The following PACS2 variants were observed in gnomAD, a reference collection of about 807,000 sequenced individuals.
The protein encoded by PACS2 is phosphofurin acidic cluster sorting protein 2.
Under a neutral mutation model 113.0 loss-of-function variants are expected in PACS2, and 36 were observed. The ratio of observed to expected loss-of-function variants is 0.32; its 90% CI spans 0.24 to 0.42. The LOEUF is 0.42. PACS2 is among the 10% of genes least tolerant of loss of function. PACS2 has a pLI of 1.00. For missense variants in PACS2, 1,015 were observed against 1,239.5 expected (o/e 0.82, Z 2.72); for synonymous variants, 589 against 536.1 (o/e 1.10, Z -1.36).
Position 105,368,048 on chromosome 14 carries a change from C to G in PACS2, c.587-26C>G, listed in dbSNP as rs374847472. On this transcript the variant is annotated intron_variant, in intron 5 of 24. Coordinates refer to ENST00000447393, the MANE Select transcript of PACS2 (RefSeq NM_001100913.3). The stretch of plus-strand genomic sequence containing the variant: ...TTCCCGGGTGGAATCTCACGGCACC[C>G]TCCCTTCTGTCTGTTCATTCCGCAG... The G allele has an allele frequency of 2.6e-6, 4 of 1,524,694 alleles. No homozygotes were observed. In the African/African-American group the frequency reaches 4.1e-5, roughly 16 times the overall value. 94.4% of individuals were successfully genotyped at this position (1,524,694 alleles called of 1,614,324 possible). A position where few individuals can be genotyped will look rare whatever the true frequency, so the allele number is the denominator to read the frequency against.
intron 4 of PACS2, among the ~76,000 whole-genome samples, chr14:105,360,058 T>C (rs2060619566): frequency 6.6e-6 from 1 of 152,228 alleles, no homozygotes; most frequent in Non-Finnish European, 1.5e-5. Flanking sequence ...GTCTCTCATA[T>C]AGGCTGACCT....
rs1205304906 is a variant in PACS2 at position 105,366,083 on chromosome 14, C to T, written c.424-1130C>T. 1.3e-5 allele frequency among the ~76,000 whole-genome samples: 2 copies of T among 152,046 alleles called. No individual in the cohort carries two copies. On this transcript the variant is annotated intron_variant, in intron 4 of 24. Coordinates refer to ENST00000447393, the MANE Select transcript of PACS2 (RefSeq NM_001100913.3). The surrounding 1 kb of genome is among the most constrained non-coding windows in gnomAD (Gnocchi z 4.3). ...AAATCTGGTCGGCTGGGCGTGGTGG[C>T]TCACGCCTGTAATCCCAGCACTTTG...
At chr14:105,304,820 C>T (rs2058138538) in intron 1 of PACS2, among the ~76,000 whole-genome samples, 1 of 152,218 alleles carries the variant, frequency 6.6e-6, no homozygotes, top group Admixed American at 6.5e-5. Context: ...CAGGGAAACT[C>T]CCTCTTATAA....
At chr14:105,308,097 C>T (rs587616454) in intron 1 of PACS2, among the ~76,000 whole-genome samples, 14 of 151,588 alleles carry the variant, frequency 9.2e-5, no homozygotes, top group African/African-American at 3.1e-4. Flanking sequence ...GCAGGAGAAT[C>T]GCTTGAACCC....
upstream of PACS2, among the ~76,000 whole-genome samples, chr14:105,314,236 C>G (rs1357167614): frequency 6.6e-6 from 1 of 151,434 alleles, no homozygotes; most frequent in Admixed American, 6.6e-5. Context: ...CGGGCCAACC[C>G]AGCGGGGGTC....
At position 105,355,575 on chromosome 14, in the gene PACS2, G is replaced by T. The variant is rs2060410359; in HGVS notation, c.423+398G>T. Reference sequence around the variant, plus strand: ...TGCATCCTGCTCAGCACGTGCTCTGGCCCAGGATTGGCTGAGCAGGAGCAG... The same window carrying T: ...TGCATCCTGCTCAGCACGTGCTCTGTCCCAGGATTGGCTGAGCAGGAGCAG... On this transcript the variant is annotated intron_variant, in intron 4 of 24. Transcript: ENST00000447393. The surrounding 1 kb of genome is among the most constrained non-coding windows in gnomAD (Gnocchi z 4.1). 6.6e-6 allele frequency among the ~76,000 whole-genome samples: 1 copy of T among 152,246 alleles called. No homozygotes were observed. The highest frequency in any genetic ancestry group is 2.4e-5 in the African/African-American group (1 of 41,458).
In PACS2 at chr14:105,384,944, C is replaced by A; in HGVS notation, c.1957C>A (p.Gln653Lys). 1 of 1,599,842 alleles carries A rather than the reference C, an allele frequency of 6.3e-7. No homozygotes were observed. ...QYIAGANCAHQLPIAEAMLTY... is the reference protein window; with the variant it reads ...QYIAGANCAHKLPIAEAMLTY... ...CATCGCAGGGGCCAACTGTGCCCAC[C>A]AGCTCCCCATCGCAGAGGCCATGCT... The change falls in exon 18 of 25, where the codon CAG (glutamine) becomes AAG (lysine). Residue 653 changes from glutamine to lysine, a missense_variant. Transcript: ENST00000447393.
At chr14:105,391,370 C>T (rs1395336580) in intron 21 of PACS2, 121 bp downstream of exon 21, 10 of 782,266 alleles carry the variant, frequency 1.3e-5, no homozygotes, top group Admixed American at 2.0e-5. Flanking sequence ...ACGTCCCAGT[C>T]TTGCTGTGGT....
At position 105,384,982 on chromosome 14, in the gene PACS2, G is replaced by C; in HGVS notation, c.1995G>C (p.Gln665His). The C allele has an allele frequency of 6.4e-7, 1 of 1,567,266 alleles. No individual in the cohort carries two copies. The highest frequency in any genetic ancestry group is 8.7e-7 in the Non-Finnish European group (1 of 1,152,982). The change falls in exon 18 of 25, where the codon CAG (glutamine) becomes CAC (histidine). Residue 665 changes from glutamine to histidine, a missense_variant. Physicochemically the swap from Gln to His is conservative, Grantham distance 24. This residue lies in a region of PACS2 where 859 missense variants were observed against 1,056.8 expected (regional missense o/e 0.81). Coordinates refer to ENST00000447393, the MANE Select transcript of PACS2 (RefSeq NM_001100913.3). ...PIAEAMLTYK[Q>H]KRKKHFHFDF... The stretch of plus-strand genomic sequence containing the variant: ...CAGAGGCCATGCTGACCTACAAGCA[G>C]AAGAGGTAACGCGGTGGGCCCAGGC...
In PACS2 at chr14:105,331,498, C is replaced by T. The variant is rs1401668798; in HGVS notation, c.119+16461C>T. On this transcript the variant is annotated intron_variant, in intron 1 of 24. Transcript: ENST00000447393. ...GTGGCATGATCATAGCTCCCTGCAG[C>T]CTCAAACTCTGGGGCTCGAGTCATC... Among the ~76,000 whole-genome samples, 5 of 152,162 alleles carry T rather than the reference C, an allele frequency of 3.3e-5. No individual in the cohort carries two copies. In the East Asian group the frequency reaches 9.6e-4, roughly 29 times the overall value.
At chr14:105,343,832 A>T (rs1313421824) in intron 1 of PACS2, among the ~76,000 whole-genome samples, 2 of 151,760 alleles carry the variant, frequency 1.3e-5, no homozygotes, top group Non-Finnish European at 1.5e-5. Context: ...AGTAGCTGGG[A>T]CTACAGGCTT....
intron 4 of PACS2, among the ~76,000 whole-genome samples, chr14:105,362,180 AGGCCACGGTGGGC>A (rs1373677221): frequency 6.6e-6 from 1 of 152,046 alleles, no homozygotes; most frequent in Non-Finnish European, 1.5e-5. Context: ...GCACTTTGGG[AGGCCACGGTGGGC>A]GGATCACGAG....
At chr14:105,385,829 G>T in intron 19 of PACS2, 112 bp downstream of exon 19, 2 of 618,000 alleles carry the variant, frequency 3.2e-6, no homozygotes, top group South Asian at 6.9e-5. Context: ...CGGACTGGGA[G>T]TCAGGCCCTG....
rs367911065 is a variant in PACS2 at position 105,369,919 on chromosome 14, C to T, written c.801+19C>T. On this transcript the variant is annotated intron_variant, in intron 8 of 24. Coordinates refer to ENST00000447393, the MANE Select transcript of PACS2 (RefSeq NM_001100913.3). ...CGACGAGGTGAGTGCGCCGCGCCTTCTGCTCGCGGCCCCCACGCCTGCAAC... is the reference window on the plus strand; with the variant it reads ...CGACGAGGTGAGTGCGCCGCGCCTTTTGCTCGCGGCCCCCACGCCTGCAAC... 6.0e-5 allele frequency: 95 copies of T among 1,590,796 alleles called. No individual in the cohort carries two copies. The highest frequency in any genetic ancestry group is 8.0e-5 in the Non-Finnish European group (94 of 1,172,962).
At chr14:105,314,662 G>T (rs1265289267), upstream of PACS2, 1 of 143,546 alleles carries the variant, frequency 7.0e-6, no homozygotes, top group Non-Finnish European at 1.5e-5. Context: ...GCGCCGGCGC[G>T]GGTCGGAGGG....
At chr14:105,368,614 G>A in intron 7 of PACS2, 75 bp downstream of exon 7, 1 of 1,137,214 alleles carries the variant, frequency 8.8e-7, no homozygotes, top group African/African-American at 1.5e-5. Flanking sequence ...GGGCGTGGGG[G>A]GGACACGGGC....
intron 6 of PACS2, 119 bp from the exon 7 acceptor site, chr14:105,368,340 T>C (rs955921679): frequency 6.7e-6 from 6 of 890,770 alleles, no homozygotes; most frequent in Non-Finnish European, 1.1e-5. Context: ...TCTGAGAGTC[T>C]TGGGACACAG....
chr14:105,347,295 T>C (rs587728788), intron 1 of PACS2, among the ~76,000 whole-genome samples: 80 of 152,064 alleles, frequency 5.3e-4, no homozygotes, highest in Non-Finnish European at 1.0e-3. Flanking sequence ...ACACAGGCTG[T>C]ACCCATCCAG....
At chr14:105,333,866 C>G (rs587661514) in intron 1 of PACS2, among the ~76,000 whole-genome samples, 80 of 152,340 alleles carry the variant, frequency 5.3e-4, no homozygotes, top group Non-Finnish European at 1.0e-3. Flanking sequence ...GCCCACAGGC[C>G]TTCCCAGAGG....
Sources: allele counts gnomAD v4.1 joint callset (sites outside exome capture counted in the v4.1 genomes callset), GRCh38; gene constraint gnomAD v4.1.1; regional missense constraint gnomAD v4.1.1; non-coding constraint Gnocchi (gnomAD v3.1); transcripts MANE v1.5; gene names NCBI Gene and HGNC (gene_info 2026-07-23, HGNC 2026-07-21).